CNTNAP5: variants seen among roughly 807,000 people sequenced by gnomAD.
The protein encoded by CNTNAP5 is contactin-associated protein-like 5.
In CNTNAP5, 72 loss-of-function variants were observed where a neutral mutation model predicts 150.2. The observed-to-expected ratio is 0.48, with a 90% CI of 0.40 to 0.58. CNTNAP5 has a LOEUF of 0.58. CNTNAP5 is among the 20% of genes least tolerant of loss of function. The pLI, the probability that CNTNAP5 is intolerant of heterozygous loss-of-function variation, is 0.00. For synonymous variants in CNTNAP5, 672 were observed against 619.8 expected (o/e 1.08, Z -1.25); for missense variants, 1,636 against 1,626.2 (o/e 1.01, Z -0.10).
At chr2:124,639,707 A>C (rs912183517) in intron 12 of CNTNAP5, among the ~76,000 whole-genome samples, 21 of 152,194 alleles carry the variant, frequency 1.4e-4, no homozygotes, top group African/African-American at 4.6e-4. Context: ...TTATGTACTT[A>C]TGTGGGTCCC....
intron 1 of CNTNAP5, among the ~76,000 whole-genome samples, chr2:124,088,528 T>C (rs1682746741): frequency 1.3e-5 from 2 of 152,212 alleles, no homozygotes; most frequent in Non-Finnish European, 2.9e-5. Flanking sequence ...GATATTTTCA[T>C]ATTATGTTAT....
intron 5 of CNTNAP5, among the ~76,000 whole-genome samples, chr2:124,444,740 A>G (rs1692768915): frequency 6.6e-6 from 1 of 152,204 alleles, no homozygotes; most frequent in Admixed American, 6.5e-5. Context: ...ATCCAGGCCG[A>G]CGAGCTCCTG....
chr2:124,171,287 T>C (rs1274755615), intron 1 of CNTNAP5, among the ~76,000 whole-genome samples: 2 of 152,176 alleles, frequency 1.3e-5, no homozygotes, highest in Non-Finnish European at 1.5e-5. Flanking sequence ...AGCTGAAGTA[T>C]ATTTTCTGCT....
chr2:124,666,633 G>A (rs1678707727), intron 13 of CNTNAP5, among the ~76,000 whole-genome samples: 1 of 152,098 alleles, frequency 6.6e-6, no homozygotes, highest in Admixed American at 6.5e-5. Flanking sequence ...CTTCAGAGAT[G>A]AGGGGATCTT....
chr2:124,615,254 T>C, intron 12 of CNTNAP5, among the ~76,000 whole-genome samples: 1 of 152,242 alleles, frequency 6.6e-6, no homozygotes, highest in South Asian at 2.1e-4. Context: ...GTGTGTAATT[T>C]TGTTTGATAG....
chr2:124,635,560 G>T (rs932603009), intron 12 of CNTNAP5, among the ~76,000 whole-genome samples: 4 of 152,154 alleles, frequency 2.6e-5, no homozygotes, highest in Non-Finnish European at 5.9e-5. Flanking sequence ...GACTTCCCTG[G>T]GTGTTCTGAT....
chr2:124,823,922 C>CT (rs758235068), intron 19 of CNTNAP5, among the ~76,000 whole-genome samples: 5,131 of 140,290 alleles, frequency 0.037, 287 homozygotes, highest in African/African-American at 0.12. Flanking sequence ...TTTTTTTTTT[C>CT]TTTTTTTTTT....
chr2:124,566,582 A>G (rs1236295441), intron 11 of CNTNAP5, among the ~76,000 whole-genome samples: 2 of 152,192 alleles, frequency 1.3e-5, no homozygotes, highest in African/African-American at 2.4e-5. Context: ...AAATTGCTCA[A>G]TGCCTACACT....
At chr2:124,738,065 CA>C (rs1189139281) in intron 13 of CNTNAP5, among the ~76,000 whole-genome samples, 1 of 152,124 alleles carries the variant, frequency 6.6e-6, no homozygotes, top group Non-Finnish European at 1.5e-5. Context: ...GTGTACATAT[CA>C]GATATTTTAC....
chr2:124,353,064 A>T (rs988018547), intron 3 of CNTNAP5, among the ~76,000 whole-genome samples: 4 of 152,136 alleles, frequency 2.6e-5, no homozygotes, highest in African/African-American at 9.7e-5. Flanking sequence ...AGCCACATTG[A>T]GCGAGGTCTC....
At chr2:124,703,480 T>C (rs1486553591) in intron 13 of CNTNAP5, among the ~76,000 whole-genome samples, 2 of 152,138 alleles carry the variant, frequency 1.3e-5, no homozygotes, top group African/African-American at 4.8e-5. Context: ...AAAGTACGAG[T>C]ATCATAAAAG....
intron 1 of CNTNAP5, among the ~76,000 whole-genome samples, chr2:124,211,658 G>A (rs1427882588): frequency 6.6e-6 from 1 of 152,070 alleles, no homozygotes; most frequent in African/African-American, 2.4e-5. Flanking sequence ...ATCAGTACAC[G>A]TTTAACCCAT....
chr2:124,393,798 C>T (rs1056269676), intron 3 of CNTNAP5, among the ~76,000 whole-genome samples: 10 of 152,184 alleles, frequency 6.6e-5, no homozygotes, highest in Non-Finnish European at 1.2e-4. Context: ...CTGCACCTCA[C>T]CTGAACAGGG....
chr2:124,150,762 C>T (rs895268500), intron 1 of CNTNAP5, among the ~76,000 whole-genome samples: 1 of 152,134 alleles, frequency 6.6e-6, no homozygotes, highest in Non-Finnish European at 1.5e-5. Context: ...ACCCTGGTGA[C>T]CTAATCACCT....
chr2:124,354,219 A>T (rs1445630140), intron 3 of CNTNAP5, among the ~76,000 whole-genome samples: 1 of 152,210 alleles, frequency 6.6e-6, no homozygotes, highest in Non-Finnish European at 1.5e-5. Flanking sequence ...AGGCAGTAAA[A>T]GACACAAATA....
At chr2:124,067,614 A>G (rs964382443) in intron 1 of CNTNAP5, among the ~76,000 whole-genome samples, 39 of 152,360 alleles carry the variant, frequency 2.6e-4, no homozygotes, top group African/African-American at 8.2e-4. Flanking sequence ...TCAAGAAATT[A>G]GAGCATGAGT....
At chr2:124,709,410 A>G (rs912876633) in intron 13 of CNTNAP5, among the ~76,000 whole-genome samples, 1 of 152,154 alleles carries the variant, frequency 6.6e-6, no homozygotes, top group African/African-American at 2.4e-5. Flanking sequence ...CAAATTTTAT[A>G]AAGTTGAAAA....
chr2:124,158,970 A>G (rs1378166711), intron 1 of CNTNAP5, among the ~76,000 whole-genome samples: 1 of 152,218 alleles, frequency 6.6e-6, no homozygotes, highest in Admixed American at 6.5e-5. Flanking sequence ...TTCAACTTCT[A>G]GTCTGTCTTC....
intron 18 of CNTNAP5, among the ~76,000 whole-genome samples, chr2:124,797,312 G>A (rs147083133): frequency 7.2e-5 from 11 of 152,282 alleles, no homozygotes; most frequent in Middle Eastern, 3.4e-3. Context: ...AGGAGGCTGG[G>A]TGATTTACAT....
Sources: allele counts gnomAD v4.1 joint callset (sites outside exome capture counted in the v4.1 genomes callset), GRCh38; gene constraint gnomAD v4.1.1; transcripts MANE v1.5; gene names NCBI Gene and HGNC (gene_info 2026-07-23, HGNC 2026-07-21).